CFAP70: variants seen among roughly 807,000 people sequenced by gnomAD.
CFAP70 encodes the protein cilia- and flagella-associated protein 70.
CFAP70 carries 81 observed loss-of-function variants against 137.6 expected under a neutral mutation model. The observed-to-expected ratio is 0.59, with a 90% CI of 0.49 to 0.71. The LOEUF (loss-of-function observed/expected upper bound fraction) is 0.71. CFAP70 is among the 30% of genes least tolerant of loss of function. CFAP70 has a pLI of 0.00. For synonymous variants in CFAP70, 382 were observed against 423.6 expected (o/e 0.90, Z 1.20); for missense variants, 976 against 1,226.7 (o/e 0.80, Z 3.05).
At chr10:73,285,139 G>T (rs1369699539) in intron 19 of CFAP70, among the ~76,000 whole-genome samples, 1 of 152,058 alleles carries the variant, frequency 6.6e-6, no homozygotes, top group Admixed American at 6.6e-5. Context: ...GTGATATATG[G>T]AAGTAGAGAA....
intron 1 of CFAP70, among the ~76,000 whole-genome samples, chr10:73,356,114 A>G (rs553929059): frequency 6.6e-6 from 1 of 152,246 alleles, no homozygotes; most frequent in Admixed American, 6.5e-5. Flanking sequence ...AGTCAGATAT[A>G]CTGTCAATTT....
chr10:73,327,599 A>G (rs2051598985), intron 8 of CFAP70, among the ~76,000 whole-genome samples: 1 of 151,960 alleles, frequency 6.6e-6, no homozygotes, highest in Admixed American at 6.6e-5. Context: ...CCATTGTCTC[A>G]GCCCAAAATC....
chr10:73,331,332 T>C, intron 7 of CFAP70, 56 bp from the exon 9 acceptor site: 1 of 1,420,614 alleles, frequency 7.0e-7, no homozygotes, highest in South Asian at 1.2e-5. Flanking sequence ...GTCAGTATAA[T>C]TTAGGTTAAA....
intron 9 of CFAP70, 101 bp from the exon 11 acceptor site, chr10:73,312,744 G>A (rs985737187): frequency 8.7e-6 from 9 of 1,033,774 alleles, no homozygotes; most frequent in South Asian, 5.3e-5. Flanking sequence ...AAACAATTTC[G>A]ACATTTAATA....
chr10:73,266,028 T>C (rs1258807121), intron 25 of CFAP70, among the ~76,000 whole-genome samples: 2 of 152,190 alleles, frequency 1.3e-5, no homozygotes, highest in African/African-American at 4.8e-5. Flanking sequence ...CAGAACTTCC[T>C]GCCCATGGAC....
In CFAP70 at chr10:73,275,254, C is replaced by T; in HGVS notation, c.2673+192G>A. On this transcript the variant is annotated intron_variant, in intron 22 of 26. Transcript: ENST00000310715. This position sits in a 1 kb window ranked among gnomAD's most constrained non-coding sequence, Gnocchi z 4.0. ...TCGGCCTCCCAAAGTGCTGCGATTA[C>T]AGTTGTGAGCCACCGCGCCCAGCCA... is the stretch of plus-strand genomic sequence containing the variant. 1 of 418,524 alleles carries T rather than the reference C, an allele frequency of 2.4e-6. No homozygotes were observed. The highest frequency in any genetic ancestry group is 4.6e-5 in the East Asian group (1 of 21,568). The allele number at this position is 418,524 out of a possible 1,614,324, so 25.9% of individuals were successfully genotyped here.
At chr10:73,303,113 T>C (rs963325658) in intron 12 of CFAP70, among the ~76,000 whole-genome samples, 2 of 152,116 alleles carry the variant, frequency 1.3e-5, no homozygotes, top group Non-Finnish European at 2.9e-5. Context: ...CCCAGGCTAG[T>C]CTCAAACTTC....
At chr10:73,361,525 GA>G (rs1254287001), upstream of CFAP70, among the ~76,000 whole-genome samples, 3 of 151,810 alleles carry the variant, frequency 2.0e-5, no homozygotes, top group Admixed American at 1.3e-4. Context: ...CTTGTGTATG[GA>G]AAAAGCCCTC....
In CFAP70 at chr10:73,313,233, G is replaced by T. The variant is rs76460719; in HGVS notation, c.913-590C>A. 5.9e-5 allele frequency among the ~76,000 whole-genome samples: 9 copies of T among 152,056 alleles called. No homozygotes were observed. The East Asian group carries it at 1.7e-3, about 29-fold the overall frequency. On this transcript the variant is annotated intron_variant, in intron 9 of 26. Coordinates refer to ENST00000310715, the Ensembl canonical transcript of CFAP70. ...TAAAAATACAAAAAATTAGCCAGGC[G>T]TGGTGGCGGGTGCCTGTAGTGCCAG...
chr10:73,291,602 G>A, intron 18 of CFAP70, 38 bp downstream of exon 19: 2 of 1,563,036 alleles, frequency 1.3e-6, no homozygotes, highest in Non-Finnish European at 1.8e-6. Context: ...ATCTTATAAT[G>A]GGGAGAAAAC....
intron 19 of CFAP70, among the ~76,000 whole-genome samples, chr10:73,290,081 T>C (rs1268810046): frequency 6.6e-6 from 1 of 150,666 alleles, no homozygotes; most frequent in African/African-American, 2.4e-5. Context: ...TGAATGTCCA[T>C]AGTAGTTTTA....
chr10:73,348,970 G>A (rs1248154797), intron 3 of CFAP70, among the ~76,000 whole-genome samples: 1 of 151,706 alleles, frequency 6.6e-6, no homozygotes, highest in Non-Finnish European at 1.5e-5. Flanking sequence ...ACCGAGGCAG[G>A]AGAATCGCTT....
chr10:73,256,711 G>A (rs1252968887), intron 25 of CFAP70, among the ~76,000 whole-genome samples: 1 of 151,798 alleles, frequency 6.6e-6, no homozygotes, highest in Non-Finnish European at 1.5e-5. Flanking sequence ...AGATCATCCT[G>A]GCTAACACGG....
intron 15 of CFAP70, chr10:73,295,967 T>C (rs542027303): frequency 6.6e-6 from 1 of 152,362 alleles, no homozygotes; most frequent in South Asian, 2.1e-4. Flanking sequence ...TACTCATAAT[T>C]GCATTCCATG....
intron 4 of CFAP70, chr10:73,348,188 A>T: frequency 3.7e-6 from 6 of 1,614,242 alleles, no homozygotes; most frequent in Non-Finnish European, 5.1e-6. Context: ...TCTAAGGGTG[A>T]GCCTTGCACA....
intron 25 of CFAP70, among the ~76,000 whole-genome samples, chr10:73,258,870 A>G (rs946445475): frequency 1.3e-5 from 2 of 152,334 alleles, no homozygotes; most frequent in Admixed American, 1.3e-4. Context: ...AATTTTAGTC[A>G]GACCAGTTGT....
At chr10:73,309,818 G>C (rs1268023201) in intron 12 of CFAP70, among the ~76,000 whole-genome samples, 2 of 151,472 alleles carry the variant, frequency 1.3e-5, no homozygotes, top group Non-Finnish European at 2.9e-5. Flanking sequence ...CGCCATGCCC[G>C]GCTAATTTTT....
At chr10:73,315,048 C>G (rs2050221628) in intron 9 of CFAP70, among the ~76,000 whole-genome samples, 1 of 151,616 alleles carries the variant, frequency 6.6e-6, no homozygotes, top group African/African-American at 2.4e-5. Context: ...ACTGTCTCTA[C>G]AAAAAAAATT....
Position 73,285,502 on chromosome 10 carries a change from A to G in CFAP70, c.2239+5724T>C, listed in dbSNP as rs372125092. Among the ~76,000 whole-genome samples the G allele has an allele frequency of 4.1e-4, 62 of 152,332 alleles. No individual in the cohort carries two copies. In the South Asian group the frequency reaches 0.013, roughly 31 times the overall value. On this transcript the variant is annotated intron_variant, in intron 19 of 26. Coordinates refer to ENST00000310715, the Ensembl canonical transcript of CFAP70. ...CCAATTTCCCACTGAGGGCAACCAGAAAAGGTGAACAAAATATATATTTTT... is the reference window on the plus strand; with the variant it reads ...CCAATTTCCCACTGAGGGCAACCAGGAAAGGTGAACAAAATATATATTTTT...
Sources: allele counts gnomAD v4.1 joint callset (sites outside exome capture counted in the v4.1 genomes callset), GRCh38; gene constraint gnomAD v4.1.1; non-coding constraint Gnocchi (gnomAD v3.1); transcripts MANE v1.5; gene names NCBI Gene and HGNC (gene_info 2026-07-23, HGNC 2026-07-21).